Variants in EYS observed in about 807,000 individuals in gnomAD.
The protein encoded by EYS is EGF-like photoreceptor maintenance factor, also known as protein eyes shut homolog.
Under a neutral mutation model 282.1 loss-of-function variants are expected in EYS, and 250 were observed. The ratio of observed to expected loss-of-function variants is 0.89; its 90% confidence interval spans 0.80 to 0.98. The LOEUF is 0.98. Ranked by LOEUF, EYS falls within the 50% of genes least tolerant of loss-of-function variation. The probability of loss-of-function intolerance (pLI) is 0.00; values close to 1 mark genes in which losing one functional copy is unlikely to be tolerated. For synonymous variants in EYS, 1,355 were observed against 1,282.9 expected (o/e 1.06, Z -1.20); for missense variants, 4,016 against 3,709.0 (o/e 1.08, Z -2.15).
intron 1 of EYS, among the ~76,000 whole-genome samples, chr6:65,642,839 TATG>T (rs1001122174): frequency 2.6e-5 from 4 of 152,194 alleles, no homozygotes; most frequent in African/African-American, 9.7e-5. Flanking sequence ...ATCCTCCCAT[TATG>T]GGAAACACCT....
At chr6:64,629,076 T>C (rs1054521712) in intron 22 of EYS, among the ~76,000 whole-genome samples, 2 of 152,224 alleles carry the variant, frequency 1.3e-5, no homozygotes, top group Non-Finnish European at 2.9e-5. Context: ...TTCCATTTAG[T>C]TGCATATCTC....
At chr6:65,458,621 C>A (rs1764712995) in intron 5 of EYS, among the ~76,000 whole-genome samples, 1 of 152,092 alleles carries the variant, frequency 6.6e-6, no homozygotes, top group African/African-American at 2.4e-5. Flanking sequence ...AATAGAATTG[C>A]TCAGAAATAG....
intron 22 of EYS, among the ~76,000 whole-genome samples, chr6:64,766,544 A>C (rs1773342470): frequency 6.9e-6 from 1 of 145,344 alleles, no homozygotes. Context: ...AGGCAGGAGA[A>C]TCACTTGAAC....
intron 2 of EYS, among the ~76,000 whole-genome samples, chr6:65,631,853 C>CTTAT (rs1456698850): frequency 6.6e-6 from 1 of 152,008 alleles, no homozygotes; most frequent in Non-Finnish European, 1.5e-5. Flanking sequence ...AGTTCCCAAG[C>CTTAT]ATAAAAGAGA....
intron 5 of EYS, among the ~76,000 whole-genome samples, chr6:65,487,635 A>AT (rs546116241): frequency 3.3e-5 from 5 of 151,894 alleles, no homozygotes; most frequent in African/African-American, 9.7e-5. Flanking sequence ...CTAAAATTCT[A>AT]TTTTTTTGTT....
At chr6:65,409,472 C>A (rs937716220) in intron 5 of EYS, among the ~76,000 whole-genome samples, 1 of 152,152 alleles carries the variant, frequency 6.6e-6, no homozygotes, top group Non-Finnish European at 1.5e-5. Flanking sequence ...TCTCTGTGAA[C>A]TTCTAGATTT....
chr6:65,390,165 G>T (rs1331641263), intron 7 of EYS, among the ~76,000 whole-genome samples: 1 of 151,818 alleles, frequency 6.6e-6, no homozygotes, highest in Admixed American at 6.6e-5. Context: ...AGGTGAAGGA[G>T]AGGGGGAAAT....
chr6:64,296,755 T>C (rs1769042891), intron 30 of EYS, among the ~76,000 whole-genome samples: 1 of 151,490 alleles, frequency 6.6e-6, no homozygotes, highest in Non-Finnish European at 1.5e-5. Context: ...TACAGGTGTG[T>C]GCAACCAAGC....
chr6:65,467,182 CA>C (rs1264572577), intron 5 of EYS, among the ~76,000 whole-genome samples: 1 of 152,052 alleles, frequency 6.6e-6, no homozygotes, highest in African/African-American at 2.4e-5. Flanking sequence ...TAACAGATAT[CA>C]GTCTGTAGTG....
intron 31 of EYS, among the ~76,000 whole-genome samples, chr6:64,185,416 C>T (rs889537313): frequency 5.9e-5 from 9 of 152,124 alleles, no homozygotes; most frequent in Admixed American, 3.9e-4. Context: ...TAATTCTCCT[C>T]TAAGTGACAA....
chr6:64,172,005 C>T (rs78183099), intron 31 of EYS, among the ~76,000 whole-genome samples: 4,123 of 152,152 alleles, frequency 0.027, 60 homozygotes, highest in African/African-American at 0.043. Context: ...CCAGGACCTA[C>T]CCCTGGGTCA....
At chr6:64,047,415 T>A (rs1034994611) in intron 33 of EYS, among the ~76,000 whole-genome samples, 1 of 152,028 alleles carries the variant, frequency 6.6e-6, no homozygotes, top group Non-Finnish European at 1.5e-5. Flanking sequence ...AAATGAGAAA[T>A]GAATAAACAG....
intron 12 of EYS, among the ~76,000 whole-genome samples, chr6:65,105,754 G>A (rs1775017493): frequency 6.6e-6 from 1 of 151,898 alleles, no homozygotes; most frequent in African/African-American, 2.4e-5. Flanking sequence ...GAGATTCAGA[G>A]AAAAAGTCAT....
At chr6:64,802,719 ATG>A (rs768452612) in intron 22 of EYS, among the ~76,000 whole-genome samples, 19 of 152,126 alleles carry the variant, frequency 1.2e-4, no homozygotes, top group Non-Finnish European at 2.2e-4. Context: ...CTATCTCAAG[ATG>A]AAGTTTACCA....
At position 64,719,811 on chromosome 6, in the gene EYS, G is replaced by T. The variant is rs544049308; in HGVS notation, c.3444-93566C>A. ...CCCAGAACGGGAGGCTGAGGCAAGAGAATTTCTTGAACCTGGGAGGTGGAG... is the reference window on the plus strand; with the variant it reads ...CCCAGAACGGGAGGCTGAGGCAAGATAATTTCTTGAACCTGGGAGGTGGAG... On this transcript the variant is annotated intron_variant, in intron 22 of 42. Transcript: ENST00000503581. 2.6e-5 allele frequency among the ~76,000 whole-genome samples: 4 copies of T among 152,284 alleles called. No homozygotes were observed. In the East Asian group the frequency reaches 7.7e-4, roughly 29 times the overall value.
At position 64,617,458 on chromosome 6, in the gene EYS, T is replaced by C. The variant is rs1481369775; in HGVS notation, c.3644A>G (p.Asn1215Ser). ...NSCVHELCME[N>S]EPGSTCLCTP... ...GCATAAACATGTCGAGCCAGGTTCA[T>C]TCTCCATGCAGAGTTCATGAACACA... The change falls in exon 24 of 43, where the codon AAT becomes AGT. Residue 1215 changes from asparagine to serine, a missense_variant. Physicochemically the swap from Asn to Ser is conservative, Grantham distance 46 (BLOSUM62 1). Transcript: ENST00000503581. 1 of 1,550,944 alleles carries C rather than the reference T, an allele frequency of 6.4e-7. No homozygotes were observed. The highest frequency in any genetic ancestry group is 1.2e-5 in the South Asian group (1 of 84,052).
chr6:64,829,679 T>G (rs1202403257), intron 19 of EYS, among the ~76,000 whole-genome samples: 1 of 151,954 alleles, frequency 6.6e-6, no homozygotes, highest in Non-Finnish European at 1.5e-5. Context: ...TGAAAGCTTT[T>G]GGGGATGGAA....
At chr6:65,278,595 C>A (rs1422019717) in intron 12 of EYS, among the ~76,000 whole-genome samples, 1 of 151,750 alleles carries the variant, frequency 6.6e-6, no homozygotes, top group Non-Finnish European at 1.5e-5. Flanking sequence ...GTATTCACCC[C>A]AGTTACTGAT....
At chr6:64,294,359 T>G (rs1046128313) in intron 30 of EYS, among the ~76,000 whole-genome samples, 3 of 152,174 alleles carry the variant, frequency 2.0e-5, no homozygotes, top group African/African-American at 7.2e-5. Context: ...TTTGATAAAT[T>G]TAAAAAATGT....
Sources: gnomAD v4.1 joint callset for allele counts (sites outside exome capture counted in the v4.1 genomes callset) on GRCh38, gnomAD v4.1.1 for gene constraint, MANE v1.5 for transcripts, NCBI Gene and HGNC (gene_info 2026-07-23, HGNC 2026-07-21) for gene names.